The following MED27 variants were observed in gnomAD, a reference collection of about 807,000 sequenced individuals.
MED27 encodes the protein mediator of RNA polymerase II transcription subunit 27.
MED27 carries 30 observed loss-of-function variants against 38.2 expected under a neutral mutation model. The observed-to-expected ratio is 0.79, with a 90% CI of 0.59 to 1.07. The LOEUF (loss-of-function observed/expected upper bound fraction) is 1.07. Among genes scored for constraint, MED27 ranks in the 50% least tolerant of loss-of-function variants. The probability of loss-of-function intolerance (pLI) is 0.00; values close to 1 mark genes in which losing one functional copy is unlikely to be tolerated. For synonymous variants in MED27, 122 were observed against 153.5 expected, an observed-to-expected ratio of 0.79 and a Z score of 1.52; for missense variants, 289 against 397.5, an observed-to-expected ratio of 0.73 and a Z score of 2.32.
intron 3 of MED27, among the ~76,000 whole-genome samples, chr9:131,961,708 G>T (rs1318086849): frequency 6.6e-6 from 1 of 152,202 alleles, no homozygotes; most frequent in Non-Finnish European, 1.5e-5. Flanking sequence ...CTGGGGAGGC[G>T]CTGCTTTCTA....
chr9:131,881,408 C>T (rs1175605797), intron 6 of MED27, among the ~76,000 whole-genome samples: 4 of 151,524 alleles, frequency 2.6e-5, no homozygotes, highest in Admixed American at 2.0e-4. Context: ...GACCCAGGGA[C>T]CAGGGAGGAA....
intron 4 of MED27, among the ~76,000 whole-genome samples, chr9:131,906,166 G>A (rs1045534203): frequency 2.0e-5 from 3 of 152,148 alleles, no homozygotes; most frequent in African/African-American, 7.2e-5. Flanking sequence ...TACCCACCAC[G>A]TGCCAAGCAT....
At chr9:132,077,011 G>A (rs953204344) in intron 2 of MED27, among the ~76,000 whole-genome samples, 1 of 152,168 alleles carries the variant, frequency 6.6e-6, no homozygotes, top group African/African-American at 2.4e-5. Context: ...ATCCATCTGT[G>A]ACAGAGGAAA....
At chr9:131,884,025 C>G (rs1289600053) in intron 6 of MED27, 33 bp downstream of exon 6, 2 of 1,593,776 alleles carry the variant, frequency 1.3e-6, no homozygotes, top group Non-Finnish European at 1.7e-6. Context: ...TTTCCTAATG[C>G]CGCTTGAGTA....
chr9:131,860,843 T>C lies in MED27; in HGVS notation c.802-171A>G, dbSNP rs1163072658. On this transcript the variant is annotated intron_variant, in intron 7 of 7. Coordinates refer to ENST00000292035, the MANE Select transcript of MED27 (RefSeq NM_004269.4). This position sits in a 1 kb window ranked among gnomAD's most constrained non-coding sequence, Gnocchi z 5.8. ...GGAACCCACAAGGTCACCTGACTGC[T>C]GATGTTCACGTCTGATGCTCGCGTG... Among the ~76,000 whole-genome samples the C allele has an allele frequency of 6.6e-6, 1 of 152,204 alleles. No homozygotes were observed. Among genetic ancestry groups the C allele is most frequent in the Non-Finnish European group, 1.5e-5 (1 of 68,042 alleles).
intron 3 of MED27, among the ~76,000 whole-genome samples, chr9:131,983,865 T>C (rs1234324162): frequency 6.6e-6 from 1 of 152,178 alleles, no homozygotes; most frequent in Admixed American, 6.5e-5. Flanking sequence ...TTGTTTACAT[T>C]ACACAACAAG....
intron 2 of MED27, among the ~76,000 whole-genome samples, chr9:132,068,390 C>G (rs144052534): frequency 1.4e-4 from 22 of 152,296 alleles, no homozygotes; most frequent in African/African-American, 4.8e-4. Context: ...GGGAGGAAAT[C>G]ACCGAAGAGT....
At chr9:131,928,269 T>C (rs1048485105) in intron 4 of MED27, among the ~76,000 whole-genome samples, 1 of 152,174 alleles carries the variant, frequency 6.6e-6, no homozygotes, top group African/African-American at 2.4e-5. Context: ...CTCTGTGGCT[T>C]GGGCTAACAC....
rs114983638 is a variant in MED27, at chr9:131,946,290, G to T, written c.480-6816C>A. 3.8e-3 allele frequency among the ~76,000 whole-genome samples: 579 copies of T among 152,224 alleles called. 6 individuals are homozygous for T. Among genetic ancestry groups the T allele is most frequent in the African/African-American group, 0.013 (558 of 41,532 alleles). On this transcript the variant is annotated intron_variant, in intron 3 of 7. Coordinates refer to ENST00000292035, the MANE Select transcript of MED27 (RefSeq NM_004269.4). ...AGTAGCAGAATTGCTGGGTCATATGGTAGTTCTATTTTTAACATTTTGAGG... is the reference window on the plus strand; with the variant it reads ...AGTAGCAGAATTGCTGGGTCATATGTTAGTTCTATTTTTAACATTTTGAGG...
chr9:131,941,648 A>G (rs1830787581), intron 3 of MED27, among the ~76,000 whole-genome samples: 1 of 152,034 alleles, frequency 6.6e-6, no homozygotes, highest in Non-Finnish European at 1.5e-5. Flanking sequence ...AAGAAGGCCA[A>G]GGGAGACTTT....
Position 131,889,444 on chromosome 9 carries a change from T to C in MED27, c.681+4441A>G, listed in dbSNP as rs1839193028. ...TAAAATCAGGACAATGGCCAGGTAT[T>C]CATCTTCAATCCTGCCTTTTAACAT... On this transcript the variant is annotated intron_variant, in intron 5 of 7. Transcript: ENST00000292035. This position sits in a 1 kb window ranked among gnomAD's most constrained non-coding sequence, Gnocchi z 4.2. Among the ~76,000 whole-genome samples the C allele has an allele frequency of 6.6e-6, 1 of 152,216 alleles. No homozygotes were observed. The highest frequency in any genetic ancestry group is 2.1e-4 in the South Asian group (1 of 4,832).
chr9:132,029,763 C>A (rs1832911088), intron 2 of MED27, among the ~76,000 whole-genome samples: 2 of 150,870 alleles, frequency 1.3e-5, no homozygotes, highest in South Asian at 2.1e-4. Flanking sequence ...TATGATTAAG[C>A]ACAGAAATCT....
intron 4 of MED27, among the ~76,000 whole-genome samples, chr9:131,915,724 C>G (rs1723640690): frequency 6.6e-6 from 1 of 152,204 alleles, no homozygotes; most frequent in African/African-American, 2.4e-5. Flanking sequence ...GCAATGCTAT[C>G]TGAATTAAAT....
At chr9:132,017,030 A>G (rs766286967) in intron 2 of MED27, among the ~76,000 whole-genome samples, 9 of 152,228 alleles carry the variant, frequency 5.9e-5, no homozygotes, top group African/African-American at 9.6e-5. Context: ...GAGCTGACTC[A>G]TAAGGATTAA....
intron 4 of MED27, among the ~76,000 whole-genome samples, chr9:131,938,725 T>A (rs1441285874): frequency 6.6e-6 from 1 of 151,906 alleles, no homozygotes; most frequent in Admixed American, 6.5e-5. Context: ...TTTCTTTTTT[T>A]TTTTGAGAAG....
chr9:131,898,978 GCCTAGCTACCTA>G (rs1236673954), intron 4 of MED27, among the ~76,000 whole-genome samples: 1 of 152,174 alleles, frequency 6.6e-6, no homozygotes, highest in Non-Finnish European at 1.5e-5. Flanking sequence ...GGAAAGCCTG[GCCTAGCTACCTA>G]CCTTCTCTGA....
At chr9:131,930,513 A>G (rs1564287431) in intron 4 of MED27, among the ~76,000 whole-genome samples, 8 of 152,220 alleles carry the variant, frequency 5.3e-5, no homozygotes. Context: ...AGTATATCCT[A>G]TGAAAATATC....
chr9:131,908,980 T>C (rs1830139564), intron 4 of MED27, among the ~76,000 whole-genome samples: 1 of 151,644 alleles, frequency 6.6e-6, no homozygotes, highest in African/African-American at 2.4e-5. Context: ...CAAGATGGAG[T>C]TGCTCTGGTT....
chr9:131,896,234 C>T (rs1829831533), intron 4 of MED27, among the ~76,000 whole-genome samples: 1 of 152,134 alleles, frequency 6.6e-6, no homozygotes, highest in African/African-American at 2.4e-5. Context: ...ACACTGAAAT[C>T]GATACCTTCT....
Sources: gnomAD v4.1 joint callset for allele counts (sites outside exome capture counted in the v4.1 genomes callset) on GRCh38, gnomAD v4.1.1 for gene constraint, Gnocchi (gnomAD v3.1) non-coding constraint, MANE v1.5 for transcripts, NCBI Gene and HGNC (gene_info 2026-07-23, HGNC 2026-07-21) for gene names.